PTPRJ: variants seen among roughly 807,000 people sequenced by gnomAD.
PTPRJ encodes the protein protein tyrosine phosphatase receptor type J.
PTPRJ carries 129 observed loss-of-function variants against 141.3 expected under a neutral mutation model. The ratio of observed to expected loss-of-function variants is 0.91; its 90% CI spans 0.79 to 1.06. The LOEUF (loss-of-function observed/expected upper bound fraction) is 1.06, where lower values mean the gene tolerates loss of function less well. Among genes scored for constraint, PTPRJ ranks in the 50% least tolerant of loss-of-function variants. The probability of loss-of-function intolerance (pLI) is 0.00; values close to 1 mark genes in which losing one functional copy is unlikely to be tolerated. For synonymous variants in PTPRJ, 610 were observed against 640.5 expected (o/e 0.95, Z 0.72); for missense variants, 1,601 against 1,679.7 (o/e 0.95, Z 0.82).
chr11:48,145,267 C>T (rs1013146682), intron 14 of PTPRJ, 143 bp downstream of exon 14: 1 of 1,186,002 alleles, frequency 8.4e-7, no homozygotes, highest in South Asian at 1.4e-5. Context: ...GTTGAGATGT[C>T]ACTGGGTCAC....
chr11:47,990,952 T>A (rs1310975491), intron 1 of PTPRJ, among the ~76,000 whole-genome samples: 1 of 152,086 alleles, frequency 6.6e-6, no homozygotes, highest in Non-Finnish European at 1.5e-5. Context: ...GTGCTGGGAT[T>A]ACAGGCATGA....
chr11:48,129,148 A>T (rs749776924), intron 7 of PTPRJ, among the ~76,000 whole-genome samples: 2 of 152,216 alleles, frequency 1.3e-5, no homozygotes, highest in Non-Finnish European at 2.9e-5. Flanking sequence ...GAGCTATTTT[A>T]ACCAAAAGGG....
intron 1 of PTPRJ, among the ~76,000 whole-genome samples, chr11:48,105,672 C>T (rs1287383068): frequency 6.6e-6 from 1 of 152,144 alleles, no homozygotes; most frequent in Non-Finnish European, 1.5e-5. Context: ...TTTAACCACC[C>T]TAGTCCACAC....
intron 8 of PTPRJ, among the ~76,000 whole-genome samples, chr11:48,132,929 C>T (rs1013197571): frequency 6.6e-6 from 1 of 152,134 alleles, no homozygotes; most frequent in African/African-American, 2.4e-5. Context: ...GACATGACGT[C>T]TTAACGTCAA....
chr11:48,149,834 C>T lies in PTPRJ; in HGVS notation c.3042-156C>T, dbSNP rs1005246236. On this transcript the variant is annotated intron_variant, in intron 16 of 24. Transcript: ENST00000418331. Reference sequence around the variant, plus strand: ...GGTCTAGAAATCAGATTTCCTGAATCATATTTTAGTGTTTTGTGAATAATA... The same window carrying T: ...GGTCTAGAAATCAGATTTCCTGAATTATATTTTAGTGTTTTGTGAATAATA... 6.5e-5 allele frequency: 39 copies of T among 600,446 alleles called. No homozygotes were observed. The Admixed American group carries it at 1.3e-3, about 21-fold the overall frequency. 37.2% of individuals were successfully genotyped at this position (600,446 alleles called of 1,614,324 possible).
chr11:48,039,920 C>G (rs1432296055), intron 1 of PTPRJ, among the ~76,000 whole-genome samples: 1 of 152,146 alleles, frequency 6.6e-6, no homozygotes, highest in East Asian at 1.9e-4. Context: ...TCCCCATTAG[C>G]TGGGAATACA....
chr11:48,149,242 AC>A (rs1335437502), intron 15 of PTPRJ, among the ~76,000 whole-genome samples: 2 of 152,222 alleles, frequency 1.3e-5, no homozygotes, highest in East Asian at 3.8e-4. Context: ...AAAGAAAATA[AC>A]TTCACAAATT....
At chr11:48,151,780 T>A (rs1218069147) in intron 18 of PTPRJ, among the ~76,000 whole-genome samples, 1 of 152,152 alleles carries the variant, frequency 6.6e-6, no homozygotes, top group Non-Finnish European at 1.5e-5. Context: ...CCTGAACTCA[T>A]CCTTTTATGG....
chr11:48,120,310 A>G (rs1327096174), intron 3 of PTPRJ, among the ~76,000 whole-genome samples: 3 of 152,212 alleles, frequency 2.0e-5, no homozygotes, highest in Non-Finnish European at 2.9e-5. Flanking sequence ...TCTTTATGTC[A>G]GAAAACCACT....
intron 1 of PTPRJ, among the ~76,000 whole-genome samples, chr11:48,041,003 C>T (rs1178388501): frequency 6.6e-6 from 1 of 152,136 alleles, no homozygotes; most frequent in Non-Finnish European, 1.5e-5. Context: ...TGGCTGCACC[C>T]TCCGTCTGTG....
At chr11:47,983,359 G>A (rs1258189701) in intron 1 of PTPRJ, among the ~76,000 whole-genome samples, 1 of 152,206 alleles carries the variant, frequency 6.6e-6, no homozygotes. Flanking sequence ...AGAGCTGACT[G>A]GTTTTTTGAG....
intron 1 of PTPRJ, among the ~76,000 whole-genome samples, chr11:47,982,816 C>T (rs1489685359): frequency 6.6e-6 from 1 of 151,968 alleles, no homozygotes; most frequent in African/African-American, 2.4e-5. Context: ...TAGCATATTG[C>T]CACTCTACAC....
chr11:48,163,308 C>G (rs1211524450), intron 22 of PTPRJ, 150 bp from the exon 23 acceptor site: 3 of 674,846 alleles, frequency 4.4e-6, no homozygotes, highest in Admixed American at 2.7e-5. Context: ...GATGAGCAAG[C>G]ACTTTATCAG....
At chr11:48,100,509 A>G (rs188503295) in intron 1 of PTPRJ, among the ~76,000 whole-genome samples, 55 of 152,366 alleles carry the variant, frequency 3.6e-4, no homozygotes, top group Middle Eastern at 3.4e-3. Flanking sequence ...ATTTAAAAAG[A>G]CTATTTTTAG....
intron 19 of PTPRJ, 58 bp downstream of exon 19, chr11:48,153,944 T>A: frequency 8.4e-7 from 1 of 1,192,188 alleles, no homozygotes; most frequent in Non-Finnish European, 1.2e-6. Flanking sequence ...ATCACATCTC[T>A]AAGTGTAGAG....
chr11:48,167,179 T>G, intron 24 of PTPRJ, 25 bp from the exon 25 acceptor site: 1 of 1,591,656 alleles, frequency 6.3e-7, no homozygotes. Context: ...TCATTTTCTG[T>G]CTCTCTCTTT....
chr11:48,086,538 T>C (rs1463130372), intron 1 of PTPRJ, among the ~76,000 whole-genome samples: 2 of 152,246 alleles, frequency 1.3e-5, no homozygotes, highest in Non-Finnish European at 2.9e-5. Context: ...TAGCGACAGG[T>C]GAAGGCTCAG....
At chr11:47,987,629 A>T (rs966475982) in intron 1 of PTPRJ, among the ~76,000 whole-genome samples, 5 of 152,258 alleles carry the variant, frequency 3.3e-5, no homozygotes, top group African/African-American at 1.2e-4. Context: ...AATGGTGATA[A>T]TGAGGGACAG....
At chr11:48,117,321 A>G (rs1421256638) in intron 3 of PTPRJ, among the ~76,000 whole-genome samples, 1 of 152,038 alleles carries the variant, frequency 6.6e-6, no homozygotes, top group Non-Finnish European at 1.5e-5. Context: ...TGGGCGGATC[A>G]CTTGAGGTCA....
Sources: allele counts gnomAD v4.1 joint callset (sites outside exome capture counted in the v4.1 genomes callset), GRCh38; gene constraint gnomAD v4.1.1; transcripts MANE v1.5; gene names NCBI Gene and HGNC (gene_info 2026-07-23, HGNC 2026-07-21).